LRIG2: variants seen among roughly 807,000 people sequenced by gnomAD.
The protein encoded by LRIG2 is leucine rich repeats and immunoglobulin like domains 2.
A neutral mutation model predicts 107.8 loss-of-function variants in LRIG2; 93 were observed. That is an observed-to-expected ratio of 0.86 (90% CI 0.73 to 1.03). LRIG2 has a LOEUF of 1.03. Among genes scored for constraint, LRIG2 ranks in the 50% least tolerant of loss-of-function variants. The probability of loss-of-function intolerance (pLI) is 0.00; values close to 1 mark genes in which losing one functional copy is unlikely to be tolerated. For synonymous variants in LRIG2, 471 were observed against 470.6 expected (o/e 1.00, Z -0.01); for missense variants, 1,226 against 1,296.0 (o/e 0.95, Z 0.83).
intron 13 of LRIG2, among the ~76,000 whole-genome samples, 172 bp from the exon 14 acceptor site, chr1:113,112,307 G>GT (rs1016143427): frequency 2.0e-5 from 3 of 151,916 alleles, no homozygotes; most frequent in Admixed American, 6.6e-5. Flanking sequence ...GTTTGTTTTT[G>GT]TTTTTTTAAA....
Position 113,093,237 on chromosome 1 carries a change from C to A in LRIG2, c.337C>A (p.Pro113Thr). ...KMNYNELTEIPYFGEPTSNIT... is the reference protein window; with the variant it reads ...KMNYNELTEITYFGEPTSNIT... ...GAATTACAATGAACTAACAGAAATC[C>A]CGTATTTTGGAGAACCTACATCTAA... is the stretch of plus-strand genomic sequence containing the variant. Residue 113 changes from proline to threonine, a missense_variant, in exon 3 of 18, where the codon CCG (proline) becomes ACG (threonine). Physicochemically the swap from Pro to Thr is conservative, Grantham distance 38 (BLOSUM62 -1). This residue lies in a region of LRIG2 where 570 missense variants were observed against 550.2 expected (regional missense o/e 1.04). Coordinates refer to ENST00000361127, the MANE Select transcript of LRIG2 (RefSeq NM_014813.3). The A allele has an allele frequency of 6.3e-7, 1 of 1,599,190 alleles. No homozygotes were observed. Among genetic ancestry groups the A allele is most frequent in the South Asian group, 1.1e-5 (1 of 87,462 alleles).
rs763211009 is a variant in LRIG2, at chr1:113,094,405, A to C, written c.582A>C (p.Leu194Phe). 6.2e-7 allele frequency: 1 copy of C among 1,613,440 alleles called. No individual in the cohort carries two copies. Among genetic ancestry groups the C allele is most frequent in the Admixed American group, 1.7e-5 (1 of 59,960 alleles). Residue 194 changes from leucine to phenylalanine, a missense_variant, in exon 5 of 18, where the codon TTA becomes TTC. Leu to Phe is a conservative substitution (Grantham distance 22, BLOSUM62 0). Around this residue, in one of 3 missense-constraint regions of LRIG2, gnomAD observed 570 missense variants for 550.2 expected, o/e 1.04. Coordinates refer to ENST00000361127, the MANE Select transcript of LRIG2 (RefSeq NM_014813.3). ...AGCFDNLSSSLLVVKLNRNRM... is the reference protein window; with the variant it reads ...AGCFDNLSSSFLVVKLNRNRM... ...GCTTCGATAATTTATCAAGTTCCTT[A>C]TTAGTGGTAAAGTTAAACCGTAACC... is the stretch of plus-strand genomic sequence containing the variant.
At chr1:113,080,405 A>G (rs1653214250) in intron 1 of LRIG2, among the ~76,000 whole-genome samples, 1 of 149,344 alleles carries the variant, frequency 6.7e-6, no homozygotes. Context: ...TTGGAGACGG[A>G]GTCTCGCTCT....
At chr1:113,106,182 T>G (rs938317080) in intron 11 of LRIG2, among the ~76,000 whole-genome samples, 2 of 151,228 alleles carry the variant, frequency 1.3e-5, no homozygotes, top group Non-Finnish European at 2.9e-5. Context: ...GGGCCGAGAT[T>G]GCGCCACTGC....
At chr1:113,081,816 G>A (rs1179188463) in intron 1 of LRIG2, among the ~76,000 whole-genome samples, 1 of 152,152 alleles carries the variant, frequency 6.6e-6, no homozygotes, top group Admixed American at 6.6e-5. Flanking sequence ...CACTGTGCTC[G>A]GCCTCCAGCC....
chr1:113,111,574 G>T (rs1226291637), intron 13 of LRIG2, among the ~76,000 whole-genome samples: 1 of 152,110 alleles, frequency 6.6e-6, no homozygotes, highest in Non-Finnish European at 1.5e-5. Context: ...AACATATGGT[G>T]TTTGGTTTTT....
In LRIG2 at chr1:113,093,574, A is replaced by G. The variant is rs759612559; in HGVS notation, c.515+10A>G. On this transcript the variant is annotated intron_variant, in intron 4 of 17. Coordinates refer to ENST00000361127, the MANE Select transcript of LRIG2 (RefSeq NM_014813.3). ...TGCAGCTTAAATACCTGTAAGTAAC[A>G]CAGATTAAATTAGATTTACTTTAAA... 1.4e-6 allele frequency: 2 copies of G among 1,465,892 alleles called. No homozygotes were observed. The highest frequency in any genetic ancestry group is 2.3e-5 in the South Asian group (2 of 88,216). The allele number at this position is 1,465,892 out of a possible 1,614,324, so 90.8% of individuals were successfully genotyped here. A position where few individuals can be genotyped will look rare whatever the true frequency, so the allele number is the denominator to read the frequency against.
At chr1:113,116,571 A>G (rs1242262222) in intron 16 of LRIG2, 135 bp downstream of exon 16, 1 of 744,810 alleles carries the variant, frequency 1.3e-6, no homozygotes, top group African/African-American at 1.8e-5. Flanking sequence ...CCACATGCAA[A>G]ATAGGATGAA....
rs1242312125 is a variant in LRIG2, at chr1:113,091,397, A to T, written c.305+14A>T. 4.6e-6 allele frequency: 7 copies of T among 1,533,856 alleles called. No homozygotes were observed. The highest frequency in any genetic ancestry group is 5.4e-6 in the Non-Finnish European group (6 of 1,120,414). On this transcript the variant is annotated intron_variant, in intron 2 of 17. Coordinates refer to ENST00000361127, the MANE Select transcript of LRIG2 (RefSeq NM_014813.3). ...ATTACAGGAAGTGTAAGTTATTTTT[A>T]TTTATTTAAAGTTATGTTAAATTCC...
At position 113,073,626 on chromosome 1, in the gene LRIG2, C is replaced by G; in HGVS notation, c.220C>G (p.Pro74Ala). The G allele has an allele frequency of 6.2e-7, 1 of 1,612,538 alleles. No individual in the cohort carries two copies. The highest frequency in any genetic ancestry group is 8.5e-7 in the Non-Finnish European group (1 of 1,179,888). Residue 74 changes from proline to alanine, a missense_variant, in exon 1 of 18, where the codon CCC (proline) becomes GCC (alanine). Pro to Ala is a conservative substitution (Grantham distance 27). Around this residue, in one of 3 missense-constraint regions of LRIG2, gnomAD observed 570 missense variants for 550.2 expected, o/e 1.04. Transcript: ENST00000361127. ...CTGGAGGGCGCTGTCGGGCTTGCTG[C>G]CCCCCGACACCGCTATCCTGTGAGT... ...PSWRALSGLLPPDTAILDFSH... is the reference protein window; with the variant it reads ...PSWRALSGLLAPDTAILDFSH...
rs1047825800 is a variant in LRIG2, at chr1:113,112,599, G to A, written c.1919G>A (p.Gly640Asp). The A allele has an allele frequency of 6.2e-7, 1 of 1,614,050 alleles. No homozygotes were observed. Among genetic ancestry groups the A allele is most frequent in the Non-Finnish European group, 8.5e-7 (1 of 1,180,032 alleles). The change falls in exon 14 of 18, where the codon GGT (glycine) becomes GAT (aspartate). Residue 640 changes from glycine (G) to aspartate (D), a missense_variant. Transcript: ENST00000361127. ...CAGATTTCCTGGCAGAAAGATGGTG[G>A]TACTGACTTTCCTGCGGCTCGAGAA... is the stretch of plus-strand genomic sequence containing the variant. ...APQISWQKDG[G>D]TDFPAARERR...
At chr1:113,082,054 T>A (rs1283371146) in intron 1 of LRIG2, among the ~76,000 whole-genome samples, 1 of 152,218 alleles carries the variant, frequency 6.6e-6, no homozygotes, top group Non-Finnish European at 1.5e-5. Context: ...AGCTGCTATG[T>A]TTCCAGAATC....
intron 9 of LRIG2, among the ~76,000 whole-genome samples, chr1:113,099,748 TAGC>T (rs1456152224): frequency 1.3e-5 from 2 of 152,220 alleles, no homozygotes; most frequent in East Asian, 3.8e-4. Context: ...GTAATTTATC[TAGC>T]AGAAGTAGAG....
At position 113,096,241 on chromosome 1, in the gene LRIG2, C is replaced by G. The variant is rs1435149129; in HGVS notation, c.967C>G (p.Leu323Val). The G allele has an allele frequency of 1.2e-6, 2 of 1,613,776 alleles. No homozygotes were observed. The highest frequency in any genetic ancestry group is 4.5e-5 in the East Asian group (2 of 44,896). ...TTTCAGTGATTTGTCCTATAACCAGCTGACCCGCCTGGATGAATCTGCCTT... is the reference window on the plus strand; with the variant it reads ...TTTCAGTGATTTGTCCTATAACCAGGTGACCCGCCTGGATGAATCTGCCTT... ...LSELDLSYNQ[L>V]TRLDESAFVG... The change falls in exon 8 of 18, where the codon CTG becomes GTG. Residue 323 changes from leucine (L) to valine (V), a missense_variant. Around this residue, in one of 3 missense-constraint regions of LRIG2, gnomAD observed 570 missense variants for 550.2 expected, o/e 1.04. Coordinates refer to ENST00000361127, the MANE Select transcript of LRIG2 (RefSeq NM_014813.3).
At chr1:113,108,351 G>T (rs1270333879) in intron 12 of LRIG2, among the ~76,000 whole-genome samples, 1 of 151,014 alleles carries the variant, frequency 6.6e-6, no homozygotes, top group East Asian at 2.0e-4. Context: ...AGCCTCCTGA[G>T]TAGCTGGGAT....
At position 113,096,204 on chromosome 1, in the gene LRIG2, C is replaced by T; in HGVS notation, c.948-18C>T. 4.3e-6 allele frequency: 7 copies of T among 1,609,450 alleles called. No individual in the cohort carries two copies. The highest frequency in any genetic ancestry group is 5.9e-6 in the Non-Finnish European group (7 of 1,178,546). ...CAAATACAATGAATTCCTTACCTTC[C>T]ACATTTCTTGTTTTCAGTGATTTGT... On this transcript the variant is annotated intron_variant, in intron 7 of 17. Transcript: ENST00000361127.
chr1:113,082,655 T>C (rs535942052), intron 1 of LRIG2, among the ~76,000 whole-genome samples: 2 of 152,116 alleles, frequency 1.3e-5, no homozygotes, highest in African/African-American at 4.8e-5. Context: ...GGGTCTCTCT[T>C]ATTTATTTAT....
chr1:113,080,732 T>C (rs1054819437), intron 1 of LRIG2, among the ~76,000 whole-genome samples: 2 of 152,172 alleles, frequency 1.3e-5, no homozygotes, highest in Admixed American at 6.6e-5. Flanking sequence ...GGTACCTCAT[T>C]ATCCATAGTA....
At chr1:113,122,636 G>A (rs1655313344) in intron 17 of LRIG2, among the ~76,000 whole-genome samples, 2 of 152,190 alleles carry the variant, frequency 1.3e-5, no homozygotes, top group Admixed American at 1.3e-4. Flanking sequence ...CGTAAGTAAG[G>A]AAATCAGCAA....
Sources: allele counts gnomAD v4.1 joint callset (sites outside exome capture counted in the v4.1 genomes callset), GRCh38; gene constraint gnomAD v4.1.1; regional missense constraint gnomAD v4.1.1; transcripts MANE v1.5; gene names NCBI Gene and HGNC (gene_info 2026-07-23, HGNC 2026-07-21).